Variants in MME observed in about 807,000 individuals in gnomAD.
MME encodes the protein membrane metalloendopeptidase.
In MME, 98 loss-of-function variants were observed where a neutral mutation model predicts 113.2. The observed-to-expected ratio is 0.87, with a 90% confidence interval of 0.74 to 1.02. The LOEUF is 1.02. Among genes scored for constraint, MME ranks in the 50% least tolerant of loss-of-function variants. MME has a pLI of 0.00. For synonymous variants in MME, 292 were observed against 300.6 expected, an observed-to-expected ratio of 0.97 and a Z score of 0.30; for missense variants, 836 against 896.0, an observed-to-expected ratio of 0.93 and a Z score of 0.86.
chr3:155,030,890 GA>G (rs1057035468), intron 1 of MME, among the ~76,000 whole-genome samples: 8 of 151,586 alleles, frequency 5.3e-5, no homozygotes, highest in East Asian at 1.9e-4. Context: ...CATGGAAGAG[GA>G]AAAAAAATCA....
intron 1 of MME, among the ~76,000 whole-genome samples, chr3:155,071,218 A>G (rs757117485): frequency 6.6e-5 from 10 of 152,154 alleles, no homozygotes; most frequent in Non-Finnish European, 1.5e-4. Context: ...CTGGGATGAA[A>G]CACATAATCA....
intron 16 of MME, among the ~76,000 whole-genome samples, chr3:155,150,409 A>G (rs1475117003): frequency 4.6e-5 from 7 of 152,190 alleles, no homozygotes; most frequent in Admixed American, 2.6e-4. Context: ...ATTTTAATGA[A>G]TGAATGGTCA....
At chr3:155,057,086 A>G (rs1488959972) in intron 1 of MME, among the ~76,000 whole-genome samples, 1 of 152,216 alleles carries the variant, frequency 6.6e-6, no homozygotes, top group African/African-American at 2.4e-5. Context: ...AAAAGCCAAA[A>G]CTGACAAATG....
chr3:155,125,737 A>T (rs1252727195), intron 8 of MME, among the ~76,000 whole-genome samples: 3 of 151,808 alleles, frequency 2.0e-5, no homozygotes, highest in Non-Finnish European at 2.9e-5. Context: ...GGGATTACAG[A>T]TGTGAGCCAC....
At chr3:155,122,358 C>CA (rs1559932550) in intron 8 of MME, among the ~76,000 whole-genome samples, 1 of 145,110 alleles carries the variant, frequency 6.9e-6, no homozygotes, top group East Asian at 2.0e-4. Flanking sequence ...TTGATCCTTT[C>CA]AAAAAACCAG....
At chr3:155,032,447 CA>C (rs1713001579) in intron 1 of MME, among the ~76,000 whole-genome samples, 1 of 152,186 alleles carries the variant, frequency 6.6e-6, no homozygotes, top group Non-Finnish European at 1.5e-5. Flanking sequence ...CTGCAGTCAG[CA>C]AAATCTCTAG....
intron 16 of MME, among the ~76,000 whole-genome samples, chr3:155,152,448 C>A (rs1722002083): frequency 6.6e-6 from 1 of 152,118 alleles, no homozygotes; most frequent in South Asian, 2.1e-4. Context: ...CACTAATGAA[C>A]AGAATGTAGC....
At chr3:155,107,352 CAA>C (rs199544238) in intron 3 of MME, among the ~76,000 whole-genome samples, 44 of 70,428 alleles carry the variant, frequency 6.2e-4, no homozygotes, top group Admixed American at 7.7e-4. Flanking sequence ...GACTCTGTCT[CAA>C]AAAAAAAAAA....
intron 22 of MME, among the ~76,000 whole-genome samples, chr3:155,176,490 AG>A (rs1712532150): frequency 6.6e-6 from 1 of 152,198 alleles, no homozygotes; most frequent in African/African-American, 2.4e-5. Flanking sequence ...TCTCACTCTT[AG>A]AAAAAAAGTG....
chr3:155,160,633 A>G (rs994695991), intron 17 of MME, among the ~76,000 whole-genome samples, 185 bp downstream of exon 17: 1 of 152,048 alleles, frequency 6.6e-6, no homozygotes, highest in African/African-American at 2.4e-5. Context: ...GAAAATTCAG[A>G]TTGGTACAAA....
upstream of MME, among the ~76,000 whole-genome samples, chr3:155,075,062 C>T (rs1714700830): frequency 6.6e-6 from 1 of 151,386 alleles, no homozygotes; most frequent in Admixed American, 6.6e-5. Flanking sequence ...GTATTAAAAT[C>T]ACCCATTAAC....
chr3:155,127,313 A>G (rs1485964231), intron 8 of MME, among the ~76,000 whole-genome samples: 5 of 152,168 alleles, frequency 3.3e-5, no homozygotes, highest in Non-Finnish European at 5.9e-5. Flanking sequence ...TTGCTCTAAC[A>G]TCAACCTCCT....
chr3:155,179,963 T>G (rs533782879), intron 22 of MME, among the ~76,000 whole-genome samples: 1 of 152,224 alleles, frequency 6.6e-6, no homozygotes, highest in Non-Finnish European at 1.5e-5. Context: ...TTGACCAAAC[T>G]CTTATTATAA....
intron 8 of MME, among the ~76,000 whole-genome samples, 166 bp from the exon 9 acceptor site, chr3:155,137,936 G>A (rs1290049900): frequency 6.8e-4 from 52 of 75,998 alleles, no homozygotes; most frequent in Non-Finnish European, 5.8e-4. Context: ...TATATTGACT[G>A]TCTAAGAATC....
Position 155,107,736 on chromosome 3 carries a change from G to A in MME, c.197-7258G>A, listed in dbSNP as rs138995603. 3.3e-4 allele frequency among the ~76,000 whole-genome samples: 51 copies of A among 152,282 alleles called. No homozygotes were observed. The East Asian group carries it at 9.4e-3, about 28-fold the overall frequency. ...CATTTACAGACATGCACAGACTGGT[G>A]AAAAAACTTTGAGTCTTTCTACACA... is the stretch of plus-strand genomic sequence containing the variant. On this transcript the variant is annotated intron_variant, in intron 3 of 22. Transcript: ENST00000360490.
At chr3:155,150,135 T>C (rs1321704987) in intron 16 of MME, among the ~76,000 whole-genome samples, 1 of 152,174 alleles carries the variant, frequency 6.6e-6, no homozygotes, top group Non-Finnish European at 1.5e-5. Context: ...CTATAAAATA[T>C]CTATAGACAA....
chr3:155,062,008 A>G (rs1714166705), intron 1 of MME, among the ~76,000 whole-genome samples: 1 of 152,148 alleles, frequency 6.6e-6, no homozygotes, highest in Non-Finnish European at 1.5e-5. Flanking sequence ...TACATATCAT[A>G]TTATTTGCAA....
At chr3:155,095,378 A>C (rs1040349214) in intron 3 of MME, among the ~76,000 whole-genome samples, 5 of 152,156 alleles carry the variant, frequency 3.3e-5, no homozygotes, top group Non-Finnish European at 7.4e-5. Context: ...GAGAGGAGAG[A>C]CACTGAGCCT....
chr3:155,085,035 A>G (rs750757127), intron 2 of MME, 24 bp from the exon 3 acceptor site: 5 of 1,521,910 alleles, frequency 3.3e-6, no homozygotes, highest in Admixed American at 1.8e-5. Context: ...GCCAATATTT[A>G]TGTATATTCT....
Sources: gnomAD v4.1 joint callset for allele counts (sites outside exome capture counted in the v4.1 genomes callset) on GRCh38, gnomAD v4.1.1 for gene constraint, MANE v1.5 for transcripts, NCBI Gene and HGNC (gene_info 2026-07-23, HGNC 2026-07-21) for gene names.